Variants in THSD4 observed in about 807,000 individuals in gnomAD.
THSD4 encodes thrombospondin type-1 domain-containing protein 4.
In THSD4, 69 loss-of-function variants were observed where a neutral mutation model predicts 119.0. The observed-to-expected ratio is 0.58, with a 90% CI of 0.48 to 0.71. THSD4 has a LOEUF of 0.71. Ranked by LOEUF, THSD4 falls within the 30% of genes least tolerant of loss-of-function variation. THSD4 has a pLI of 0.00. For missense variants in THSD4, 1,393 were observed against 1,391.1 expected, an observed-to-expected ratio of 1.00 and a Z score of -0.02; for synonymous variants, 524 against 540.4, an observed-to-expected ratio of 0.97 and a Z score of 0.42.
chr15:71,435,624 G>T (rs539207830), intron 7 of THSD4, among the ~76,000 whole-genome samples: 1 of 152,266 alleles, frequency 6.6e-6, no homozygotes, highest in East Asian at 1.9e-4. Context: ...GAAAGATGCA[G>T]CCTTCATGAT....
At chr15:71,538,128 T>C (rs1246522145) in intron 7 of THSD4, among the ~76,000 whole-genome samples, 1 of 152,144 alleles carries the variant, frequency 6.6e-6, no homozygotes, top group Non-Finnish European at 1.5e-5. Flanking sequence ...TACAAATATA[T>C]AAATATTTTC....
chr15:71,432,524 C>CTT (rs59086141), intron 7 of THSD4, among the ~76,000 whole-genome samples: 6 of 129,978 alleles, frequency 4.6e-5, no homozygotes, highest in South Asian at 2.4e-4. Context: ...TCCCTCCCTT[C>CTT]TTTTTTTTTT....
intron 7 of THSD4, among the ~76,000 whole-genome samples, chr15:71,589,296 G>A (rs773865081): frequency 2.2e-5 from 2 of 90,076 alleles, no homozygotes; most frequent in Non-Finnish European, 5.8e-5. Flanking sequence ...GTGTGTGTTT[G>A]TGTGTGTGCA....
chr15:71,265,717 C>T (rs558768820), intron 6 of THSD4, among the ~76,000 whole-genome samples: 7 of 152,180 alleles, frequency 4.6e-5, no homozygotes, highest in African/African-American at 7.2e-5. Flanking sequence ...TTGAAATTCT[C>T]GCTGCGCGCA....
chr15:71,491,795 G>A (rs1440996796), intron 7 of THSD4, among the ~76,000 whole-genome samples: 1 of 152,164 alleles, frequency 6.6e-6, no homozygotes, highest in Non-Finnish European at 1.5e-5. Flanking sequence ...CTTAGGCCTG[G>A]GAGGTTGAGA....
chr15:71,481,985 A>G (rs369027581), intron 7 of THSD4, among the ~76,000 whole-genome samples: 17 of 152,350 alleles, frequency 1.1e-4, no homozygotes, highest in Admixed American at 3.9e-4. Flanking sequence ...CCCAAAGTCC[A>G]GCAACAACAT....
At chr15:71,394,101 A>C (rs1314238899) in intron 6 of THSD4, among the ~76,000 whole-genome samples, 2 of 145,646 alleles carry the variant, frequency 1.4e-5, no homozygotes, top group South Asian at 2.2e-4. Context: ...TACCATATTT[A>C]GTAGAAGTAT....
chr15:71,213,589 C>T (rs1596272296), intron 3 of THSD4, among the ~76,000 whole-genome samples: 1 of 152,142 alleles, frequency 6.6e-6, no homozygotes, highest in South Asian at 2.1e-4. Flanking sequence ...GGGCCTGGCT[C>T]AGCACTGGCA....
intron 7 of THSD4, among the ~76,000 whole-genome samples, chr15:71,495,044 G>A (rs567770481): frequency 6.6e-6 from 1 of 152,302 alleles, no homozygotes; most frequent in East Asian, 1.9e-4. Context: ...CGGGTGAGAG[G>A]AGGGAGGCTG....
At chr15:71,536,203 G>A (rs558258580) in intron 7 of THSD4, among the ~76,000 whole-genome samples, 1 of 152,314 alleles carries the variant, frequency 6.6e-6, no homozygotes, top group African/African-American at 2.4e-5. Flanking sequence ...CCATCAAGGT[G>A]TTGGCAAAAC....
chr15:71,508,001 A>C (rs1233867243), intron 7 of THSD4, among the ~76,000 whole-genome samples: 1 of 152,250 alleles, frequency 6.6e-6, no homozygotes, highest in African/African-American at 2.4e-5. Context: ...ACAATGATGC[A>C]GTAATGTCAT....
intron 6 of THSD4, among the ~76,000 whole-genome samples, chr15:71,356,255 C>G (rs151126958): frequency 1.6e-3 from 248 of 152,312 alleles, no homozygotes; most frequent in Non-Finnish European, 2.8e-3. Context: ...GATGGCTACT[C>G]TCTGCACACG....
Position 71,420,193 on chromosome 15 carries a change from T to C in THSD4, c.1152+8370T>C, listed in dbSNP as rs1482484323. Among the ~76,000 whole-genome samples the C allele has an allele frequency of 1.8e-5, 2 of 108,502 alleles. 1 individual carries two copies. The highest frequency in any genetic ancestry group is 4.1e-5 in the Non-Finnish European group (2 of 49,382). The allele number at this position is 108,502 out of a possible 152,430, so 71.2% of individuals were successfully genotyped here. A position where few individuals can be genotyped will look rare whatever the true frequency, so the allele number is the denominator to read the frequency against. On this transcript the variant is annotated intron_variant, in intron 7 of 17. Coordinates refer to ENST00000261862, the MANE Select transcript of THSD4 (RefSeq NM_024817.3). ...TGCATATATATTTACAGTTGTTAAA[T>C]CCTCTTGCTGAATTGACTCTTTTAT...
rs1326921057 is a variant in THSD4, at chr15:71,589,352, A to T, written c.1153-71178A>T. On this transcript the variant is annotated intron_variant, in intron 7 of 17. Coordinates refer to ENST00000261862, the MANE Select transcript of THSD4 (RefSeq NM_024817.3). Reference sequence around the variant, plus strand: ...TAGTCTGGTGTGATATAAATTATTTATTTATTTATTTTTTTATTTATTGGA... The same window carrying T: ...TAGTCTGGTGTGATATAAATTATTTTTTTATTTATTTTTTTATTTATTGGA... 5.3e-5 allele frequency among the ~76,000 whole-genome samples: 7 copies of T among 133,228 alleles called. 2 individuals are homozygous for T. The East Asian group carries it at 1.5e-3, about 29-fold the overall frequency. 87.4% of individuals were successfully genotyped at this position (133,228 alleles called of 152,430 possible).
chr15:71,559,794 G>A (rs10775204), intron 7 of THSD4, among the ~76,000 whole-genome samples: 109,701 of 152,106 alleles, frequency 0.72, 42,986 homozygotes, highest in East Asian at 0.98. Context: ...TTGTGTAGCC[G>A]GTGTTATAAA....
intron 1 of THSD4, among the ~76,000 whole-genome samples, chr15:71,135,394 A>AAG (rs2040541772): frequency 7.1e-6 from 1 of 141,334 alleles, no homozygotes; most frequent in Non-Finnish European, 1.5e-5. Flanking sequence ...CTAAATGACA[A>AAG]AAAAAAAAAA....
chr15:71,297,030 C>A (rs1378604941), intron 6 of THSD4, among the ~76,000 whole-genome samples: 4 of 152,120 alleles, frequency 2.6e-5, no homozygotes, highest in African/African-American at 9.7e-5. Flanking sequence ...TATTATACAT[C>A]TTTTCATGAG....
intron 3 of THSD4, among the ~76,000 whole-genome samples, chr15:71,183,373 A>G (rs2043556179): frequency 6.6e-6 from 1 of 151,776 alleles, no homozygotes; most frequent in Non-Finnish European, 1.5e-5. Flanking sequence ...ATGGGGACAC[A>G]GCGAAACCAT....
chr15:71,726,763 C>T (rs913614938), intron 8 of THSD4, among the ~76,000 whole-genome samples: 6 of 152,020 alleles, frequency 3.9e-5, no homozygotes, highest in African/African-American at 1.5e-4. Flanking sequence ...CATGGTGAAA[C>T]CCCGTCTCTA....
Sources: gnomAD v4.1 joint callset for allele counts (sites outside exome capture counted in the v4.1 genomes callset) on GRCh38, gnomAD v4.1.1 for gene constraint, MANE v1.5 for transcripts, NCBI Gene and HGNC (gene_info 2026-07-23, HGNC 2026-07-21) for gene names.